ZDHHC11: variants seen among roughly 807,000 people sequenced by gnomAD.
ZDHHC11 encodes the protein palmitoyltransferase ZDHHC11.
ZDHHC11 carries 44 observed loss-of-function variants against 51.3 expected under a neutral mutation model. The observed-to-expected ratio is 0.86, with a 90% CI of 0.67 to 1.10. The LOEUF is 1.10. Ranked by LOEUF, ZDHHC11 falls within the 50% of genes least tolerant of loss-of-function variation. The probability of loss-of-function intolerance (pLI) is 0.00; values close to 1 mark genes in which losing one functional copy is unlikely to be tolerated. For synonymous variants in ZDHHC11, 163 were observed against 222.0 expected, an observed-to-expected ratio of 0.73 and a Z score of 2.36; for missense variants, 400 against 537.7, an observed-to-expected ratio of 0.74 and a Z score of 2.53.
chr5:819,500 G>C (rs775590403), intron 10 of ZDHHC11, 25 bp downstream of exon 10: 2 of 1,603,418 alleles, frequency 1.2e-6, no homozygotes, highest in Non-Finnish European at 1.7e-6. Flanking sequence ...TGTCCTCGGG[G>C]ACAGCGCCAG....
upstream of ZDHHC11, among the ~76,000 whole-genome samples, chr5:855,735 G>A (rs1273814646): frequency 8.8e-5 from 13 of 147,090 alleles, no homozygotes; most frequent in Admixed American, 2.0e-4. Flanking sequence ...AGTGAGCAGC[G>A]GGGACAGACC....
intron 11 of ZDHHC11, among the ~76,000 whole-genome samples, chr5:807,727 C>T (rs399536): frequency 7.6e-6 from 1 of 131,618 alleles, no homozygotes; most frequent in Non-Finnish European, 1.7e-5. Context: ...TGAGGAATAG[C>T]GGCTCAGAGT....
At chr5:829,536 G>GTTC (rs1487658651) in intron 7 of ZDHHC11, among the ~76,000 whole-genome samples, 1 of 151,644 alleles carries the variant, frequency 6.6e-6, no homozygotes, top group Non-Finnish European at 1.5e-5. Flanking sequence ...TATCCAGGAT[G>GTTC]TATTCACAGC....
At position 850,434 on chromosome 5, in the gene ZDHHC11, A is replaced by C; in HGVS notation, c.169T>G (p.Phe57Val). 6.2e-7 allele frequency: 1 copy of C among 1,613,664 alleles called. No individual in the cohort carries two copies. The highest frequency in any genetic ancestry group is 8.5e-7 in the Non-Finnish European group (1 of 1,180,010). Residue 57 changes from phenylalanine (F) to valine (V), a missense_variant, in exon 1 of 13, where the codon TTC (phenylalanine) becomes GTC (valine). Physicochemically the swap from Phe to Val is conservative, Grantham distance 50 (BLOSUM62 -1). Transcript: ENST00000283441. Reference sequence around the variant, plus strand: ...GGCAGGAAGGGAATGAAGATCCCGAAGGTGGCCGAGGAAAGGCCCACGAAG... The same window carrying C: ...GGCAGGAAGGGAATGAAGATCCCGACGGTGGCCGAGGAAAGGCCCACGAAG... The part of the protein sequence containing the change: ...AVFVGLSSAT[F>V]GIFIPFLPHA...
chr5:847,031 C>T (rs1382821096), intron 3 of ZDHHC11, among the ~76,000 whole-genome samples: 15 of 140,278 alleles, frequency 1.1e-4, no homozygotes, highest in Admixed American at 6.9e-4. Flanking sequence ...GCATCTCCAC[C>T]GTGCTCAGGG....
upstream of ZDHHC11, among the ~76,000 whole-genome samples, chr5:855,935 G>T (rs1453227547): frequency 6.8e-6 from 1 of 147,820 alleles, no homozygotes; most frequent in Non-Finnish European, 1.5e-5. Flanking sequence ...GAGCCGGGGG[G>T]ACAGACCCCA....
At chr5:816,978 C>A in intron 10 of ZDHHC11, 1 of 239,044 alleles carries the variant, frequency 4.2e-6, no homozygotes, top group African/African-American at 2.3e-5. Flanking sequence ...TGACACTCTC[C>A]CCATGGGAAG....
intron 10 of ZDHHC11, 56 bp downstream of exon 10, chr5:819,469 C>A: frequency 6.4e-7 from 1 of 1,571,446 alleles, no homozygotes; most frequent in Non-Finnish European, 8.8e-7. Flanking sequence ...GACCTCAGAC[C>A]ACACATTCTG....
At chr5:823,820 G>C (rs1172541575) in intron 8 of ZDHHC11, 3 of 340,312 alleles carry the variant, frequency 8.8e-6, no homozygotes, top group Admixed American at 3.8e-5. Context: ...CTGTGCAGAA[G>C]GTGTCAACGT....
chr5:818,171 C>T (rs1314092643), intron 10 of ZDHHC11, among the ~76,000 whole-genome samples: 1 of 151,220 alleles, frequency 6.6e-6, no homozygotes, highest in African/African-American at 2.4e-5. Flanking sequence ...TCGTCATCTA[C>T]ACCGAGATGC....
At chr5:834,675 T>G (rs1295904319) in intron 6 of ZDHHC11, among the ~76,000 whole-genome samples, 4 of 152,310 alleles carry the variant, frequency 2.6e-5, no homozygotes, top group African/African-American at 7.2e-5. Context: ...ACTTCACAGA[T>G]ACTGTGTTTT....
intron 4 of ZDHHC11, chr5:841,638 T>C: frequency 1.0e-6 from 1 of 991,650 alleles, no homozygotes. Context: ...CGCTGCACCC[T>C]AAAACAGCTG....
At chr5:823,559 CACAGGGCTGT>C (rs1741842880) in intron 8 of ZDHHC11, 1 of 163,024 alleles carries the variant, frequency 6.1e-6, no homozygotes, top group Non-Finnish European at 1.4e-5. Flanking sequence ...TGGAGCTCAG[CACAGGGCTGT>C]GCCACGGACG....
chr5:809,014 C>CACACACACACACAA, intron 11 of ZDHHC11, among the ~76,000 whole-genome samples: 2 of 139,122 alleles, frequency 1.4e-5, no homozygotes, highest in African/African-American at 5.4e-5. Context: ...CACACACACA[C>CACACACACACACAA]GCACACTATT....
Position 848,510 on chromosome 5 carries a change from G to A in ZDHHC11, c.373C>T (p.Gln125Ter). Residue 125 changes from glutamine to a stop codon, truncating the protein, a stop_gained, in exon 2 of 13, where the codon CAG becomes TAG. Transcript: ENST00000283441. LOFTEE classifies it high-confidence loss of function. The stretch of plus-strand genomic sequence containing the variant: ...GTGACCTTGCACAGGTGGCAGAACT[G>A]ATTCTGGATCACGTGTGCATGTTTT... ...RSKHAHVIQNQFCHLCKVTVN... is the reference protein window; with the variant it reads ...RSKHAHVIQN The A allele has an allele frequency of 1.4e-6, 2 of 1,478,432 alleles. No individual in the cohort carries two copies. Among genetic ancestry groups the A allele is most frequent in the Non-Finnish European group, 1.8e-6 (2 of 1,101,770 alleles). 91.6% of individuals were successfully genotyped at this position (1,478,432 alleles called of 1,614,324 possible). A position where few individuals can be genotyped will look rare whatever the true frequency, so the allele number is the denominator to read the frequency against.
chr5:857,613 G>A (rs1023355722), intron 1 of ZDHHC11, among the ~76,000 whole-genome samples: 68 of 148,374 alleles, frequency 4.6e-4, no homozygotes, highest in African/African-American at 1.5e-3. Context: ...CTGTCTTTAC[G>A]ACACCAGGCC....
At chr5:842,750 G>A (rs1231491056) in intron 4 of ZDHHC11, 48 of 896,370 alleles carry the variant, frequency 5.4e-5, no homozygotes, top group Non-Finnish European at 6.2e-5. Flanking sequence ...GGCAGGCAGG[G>A]CTCTGACGTC....
At chr5:849,021 C>T (rs1009773772) in intron 1 of ZDHHC11, among the ~76,000 whole-genome samples, 1 of 151,716 alleles carries the variant, frequency 6.6e-6, no homozygotes, top group African/African-American at 2.4e-5. Flanking sequence ...CAGTCTTGCA[C>T]ACACGGCCCT....
chr5:858,750 A>G (rs1455292033), intron 1 of ZDHHC11, among the ~76,000 whole-genome samples: 4 of 151,970 alleles, frequency 2.6e-5, no homozygotes, highest in Non-Finnish European at 5.9e-5. Flanking sequence ...TCATAAGACA[A>G]ATCCTCACAG....
Sources: allele counts gnomAD v4.1 joint callset (sites outside exome capture counted in the v4.1 genomes callset), GRCh38; gene constraint gnomAD v4.1.1; transcripts MANE v1.5; gene names NCBI Gene and HGNC (gene_info 2026-07-23, HGNC 2026-07-21).